CNTN3: variants seen among roughly 807,000 people sequenced by gnomAD.
CNTN3 encodes the protein contactin 3.
CNTN3 carries 60 observed loss-of-function variants against 119.1 expected under a neutral mutation model. That is an observed-to-expected ratio of 0.50 (90% CI 0.41 to 0.62). The LOEUF (loss-of-function observed/expected upper bound fraction) is 0.62, where lower values mean the gene tolerates loss of function less well. CNTN3 is among the 20% of genes least tolerant of loss of function. CNTN3 has a pLI of 0.00. For synonymous variants in CNTN3, 450 were observed against 438.7 expected (o/e 1.03, Z -0.32); for missense variants, 1,101 against 1,242.4 (o/e 0.89, Z 1.71).
chr3:74,272,935 A>G (rs1306458923), intron 20 of CNTN3, among the ~76,000 whole-genome samples: 1 of 152,186 alleles, frequency 6.6e-6, no homozygotes, highest in Non-Finnish European at 1.5e-5. Flanking sequence ...TGCTCAGATA[A>G]AAAGCTAGTT....
chr3:74,404,939 C>T (rs919812521), intron 5 of CNTN3, among the ~76,000 whole-genome samples: 5 of 152,004 alleles, frequency 3.3e-5, no homozygotes, highest in Non-Finnish European at 7.4e-5. Context: ...GAATCCATCA[C>T]ATTTTTCACT....
At chr3:74,613,269 C>CTT (rs758332591) in intron 1 of CNTN3, among the ~76,000 whole-genome samples, 26 of 132,474 alleles carry the variant, frequency 2.0e-4, no homozygotes, top group African/African-American at 6.6e-4. Context: ...AGTCTTCCTA[C>CTT]TTTTTTTTTT....
chr3:74,491,230 G>T (rs572133400), intron 3 of CNTN3, among the ~76,000 whole-genome samples: 3 of 152,306 alleles, frequency 2.0e-5, no homozygotes, highest in African/African-American at 7.2e-5. Flanking sequence ...GCCAGGCACA[G>T]TGGCTCATGC....
At chr3:74,458,456 A>G (rs1379804584) in intron 4 of CNTN3, among the ~76,000 whole-genome samples, 1 of 152,022 alleles carries the variant, frequency 6.6e-6, no homozygotes, top group African/African-American at 2.4e-5. Flanking sequence ...TATATGAAAC[A>G]AAAATTTCAG....
chr3:74,437,484 A>C lies in CNTN3; in HGVS notation c.359-12544T>G, dbSNP rs116054602. Among the ~76,000 whole-genome samples the C allele has an allele frequency of 4.2e-3, 642 of 152,078 alleles. 1 individual carries two copies. The highest frequency in any genetic ancestry group is 7.6e-3 in the Non-Finnish European group (517 of 67,974). On this transcript the variant is annotated intron_variant, in intron 4 of 22. Coordinates refer to ENST00000263665, the MANE Select transcript of CNTN3 (RefSeq NM_020872.3). ...CTCAAAAAAATAAAAATAAAAAAAA[A>C]CCCATGTTTCTGCTACTGACAGTTT...
chr3:74,410,294 ATAACTTTTACTGCTTACTAGCACTGGAT>A (rs992756475), intron 5 of CNTN3, among the ~76,000 whole-genome samples: 1 of 152,166 alleles, frequency 6.6e-6, no homozygotes, highest in Non-Finnish European at 1.5e-5. Flanking sequence ...AAATAAAAAA[ATAACTTTTACTGCTTACTAGCACTGGAT>A]TAAGAAAACC....
At chr3:74,342,811 T>C (rs556458483) in intron 11 of CNTN3, among the ~76,000 whole-genome samples, 1 of 152,208 alleles carries the variant, frequency 6.6e-6, no homozygotes, top group Non-Finnish European at 1.5e-5. Flanking sequence ...CCAGTCTAAA[T>C]GATTATATAC....
At position 74,547,106 on chromosome 3, in the gene CNTN3, A is replaced by T. The variant is rs190201438; in HGVS notation, c.-80-25914T>A. On this transcript the variant is annotated intron_variant, in intron 1 of 22. Coordinates refer to ENST00000263665, the MANE Select transcript of CNTN3 (RefSeq NM_020872.3). ...TTCCATAATTTTCCCTAATTTTATT[A>T]ATTTAATTTTATTTACACATACATA... Among the ~76,000 whole-genome samples, 653 of 152,308 alleles carry T rather than the reference A, an allele frequency of 4.3e-3. 6 individuals are homozygous for T. The highest frequency in any genetic ancestry group is 0.015 in the African/African-American group (622 of 41,578).
chr3:74,597,826 A>G (rs1704837851), intron 1 of CNTN3, among the ~76,000 whole-genome samples: 1 of 152,116 alleles, frequency 6.6e-6, no homozygotes, highest in Non-Finnish European at 1.5e-5. Flanking sequence ...TGTGGTAATG[A>G]TGAAGAAAAT....
chr3:74,303,706 A>C (rs1412313777), intron 13 of CNTN3, among the ~76,000 whole-genome samples: 1 of 152,178 alleles, frequency 6.6e-6, no homozygotes, highest in Non-Finnish European at 1.5e-5. Flanking sequence ...TCCGCCTCCA[A>C]AAAATAAATA....
At chr3:74,610,872 A>G (rs1705068934) in intron 1 of CNTN3, among the ~76,000 whole-genome samples, 1 of 152,214 alleles carries the variant, frequency 6.6e-6, no homozygotes, top group South Asian at 2.1e-4. Context: ...TCCCCAAAAT[A>G]AAAGCACTTG....
At chr3:74,514,594 A>G (rs1410013429) in intron 2 of CNTN3, among the ~76,000 whole-genome samples, 1 of 152,116 alleles carries the variant, frequency 6.6e-6, no homozygotes, top group African/African-American at 2.4e-5. Context: ...AAATGACTCT[A>G]TCTTCTCCCA....
chr3:74,419,253 GT>G (rs1701579811), intron 5 of CNTN3, among the ~76,000 whole-genome samples: 1 of 152,090 alleles, frequency 6.6e-6, no homozygotes, highest in African/African-American at 2.4e-5. Flanking sequence ...CACTAGTCAT[GT>G]GTCTCCCTGC....
intron 1 of CNTN3, among the ~76,000 whole-genome samples, chr3:74,567,865 T>C (rs1264794815): frequency 6.6e-6 from 1 of 152,184 alleles, no homozygotes; most frequent in Non-Finnish European, 1.5e-5. Flanking sequence ...TATAATTTAC[T>C]AGATTCCGCC....
At chr3:74,595,907 T>C (rs1400561747) in intron 1 of CNTN3, among the ~76,000 whole-genome samples, 2 of 152,170 alleles carry the variant, frequency 1.3e-5, no homozygotes, top group Non-Finnish European at 2.9e-5. Flanking sequence ...ATTGTCCCTG[T>C]TTGCAGACGA....
intron 5 of CNTN3, among the ~76,000 whole-genome samples, chr3:74,421,667 G>A (rs2106891121): frequency 6.6e-6 from 1 of 152,168 alleles, no homozygotes; most frequent in East Asian, 1.9e-4. Flanking sequence ...CACAAAGTAT[G>A]GGAGACAGAG....
At chr3:74,530,311 G>T (rs1217143449) in intron 1 of CNTN3, among the ~76,000 whole-genome samples, 2 of 151,964 alleles carry the variant, frequency 1.3e-5, no homozygotes, top group Non-Finnish European at 2.9e-5. Context: ...CCAGAAAGAA[G>T]TGCAAACATT....
chr3:74,364,393 A>C, intron 10 of CNTN3, 74 bp downstream of exon 10: 1 of 1,430,976 alleles, frequency 7.0e-7, no homozygotes, highest in South Asian at 1.2e-5. Context: ...TGAAAAGTAA[A>C]TATTACTGCT....
intron 19 of CNTN3, among the ~76,000 whole-genome samples, chr3:74,291,115 G>A (rs899455679): frequency 9.2e-5 from 14 of 151,362 alleles, no homozygotes; most frequent in South Asian, 2.1e-4. Context: ...TGTTCTCGTC[G>A]TTCAGTTCCC....
Sources: allele counts gnomAD v4.1 joint callset (sites outside exome capture counted in the v4.1 genomes callset), GRCh38; gene constraint gnomAD v4.1.1; transcripts MANE v1.5; gene names NCBI Gene and HGNC (gene_info 2026-07-23, HGNC 2026-07-21).